WWOX: variants seen among roughly 807,000 people sequenced by gnomAD.
WWOX encodes the protein WW domain-containing oxidoreductase.
WWOX carries 69 observed loss-of-function variants against 46.2 expected under a neutral mutation model. The ratio of observed to expected loss-of-function variants is 1.49; its 90% CI spans 1.23 to 1.82. The LOEUF is 1.82. Among genes scored for constraint, WWOX ranks in the 40% most tolerant of loss-of-function variants. The pLI is 0.00. For missense variants in WWOX, 919 were observed against 542.6 expected, an observed-to-expected ratio of 1.69 and a Z score of -6.89; for synonymous variants, 359 against 202.6, an observed-to-expected ratio of 1.77 and a Z score of -6.56.
chr16:78,666,160 C>G (rs1416692721), intron 8 of WWOX, among the ~76,000 whole-genome samples: 3 of 151,960 alleles, frequency 2.0e-5, no homozygotes, highest in African/African-American at 7.2e-5. Context: ...GGTGGTGTGC[C>G]ACAGTAGTCC....
At chr16:78,601,649 A>G (rs1294598922) in intron 8 of WWOX, among the ~76,000 whole-genome samples, 1 of 152,238 alleles carries the variant, frequency 6.6e-6, no homozygotes, top group Non-Finnish European at 1.5e-5. Context: ...TGAATACCAT[A>G]ATAAGAATGT....
chr16:78,517,448 C>T (rs938480803), intron 8 of WWOX, among the ~76,000 whole-genome samples: 1 of 152,280 alleles, frequency 6.6e-6, no homozygotes, highest in Non-Finnish European at 1.5e-5. Flanking sequence ...ATATGAATGT[C>T]TTGTTCGACG....
intron 5 of WWOX, among the ~76,000 whole-genome samples, chr16:78,254,499 C>CTTTTTTTTTTTTTTTTTTTTTT (rs1597405923): frequency 1.9e-5 from 1 of 52,134 alleles, no homozygotes; most frequent in African/African-American, 1.2e-4. Context: ...TCTTTTCTTT[C>CTTTTTTTTTTTTTTTTTTTTTT]TTGTTTTTTT....
intron 8 of WWOX, among the ~76,000 whole-genome samples, chr16:78,772,489 G>C (rs988346740): frequency 5.3e-5 from 8 of 152,034 alleles, no homozygotes; most frequent in African/African-American, 1.9e-4. Flanking sequence ...ATTCTTCTTG[G>C]AAATGTTAAT....
At chr16:78,359,692 C>A (rs890867207) in intron 5 of WWOX, among the ~76,000 whole-genome samples, 1 of 152,162 alleles carries the variant, frequency 6.6e-6, no homozygotes, top group Admixed American at 6.5e-5. Flanking sequence ...TTGTGGAAAT[C>A]AACTGCCACA....
intron 8 of WWOX, among the ~76,000 whole-genome samples, chr16:78,701,781 C>T (rs75889985): frequency 0.02 from 2,998 of 151,846 alleles, 101 homozygotes; most frequent in African/African-American, 0.069. Context: ...CTCTGAGATG[C>T]AGTCTGCTGA....
intron 8 of WWOX, among the ~76,000 whole-genome samples, chr16:78,935,726 G>A (rs980359109): frequency 6.6e-6 from 1 of 151,846 alleles, no homozygotes; most frequent in African/African-American, 2.4e-5. Flanking sequence ...TGCACATTGT[G>A]CACATGTACC....
intron 5 of WWOX, among the ~76,000 whole-genome samples, chr16:78,279,873 C>A (rs1424300678): frequency 6.6e-6 from 1 of 152,220 alleles, no homozygotes; most frequent in Non-Finnish European, 1.5e-5. Context: ...ACGATTGGTC[C>A]TTCTGTCCTG....
At chr16:78,131,107 T>A (rs2033575424) in intron 4 of WWOX, among the ~76,000 whole-genome samples, 2 of 152,196 alleles carry the variant, frequency 1.3e-5, no homozygotes. Flanking sequence ...AGTGTTGTAA[T>A]CTTATGGGAC....
At chr16:78,505,378 A>G (rs1217253048) in intron 8 of WWOX, among the ~76,000 whole-genome samples, 1 of 152,170 alleles carries the variant, frequency 6.6e-6, no homozygotes, top group African/African-American at 2.4e-5. Context: ...GTTCGGGTCC[A>G]CCAGGCCCTC....
chr16:78,634,653 C>T lies in WWOX; in HGVS notation c.1056+201901C>T, dbSNP rs371493165. ...CCCAGGAGGCGGAGGTTGCAGTGAG[C>T]CAAGATTGCGCCACTGCACTCCAGC... On this transcript the variant is annotated intron_variant, in intron 8 of 8. Transcript: ENST00000566780. Among the ~76,000 whole-genome samples the T allele has an allele frequency of 4.0e-5, 6 of 150,972 alleles. 1 individual carries two copies. The highest frequency in any genetic ancestry group is 2.1e-4 in the South Asian group (1 of 4,768).
intron 5 of WWOX, among the ~76,000 whole-genome samples, chr16:78,288,144 T>C (rs2079800348): frequency 6.6e-6 from 1 of 152,194 alleles, no homozygotes; most frequent in Non-Finnish European, 1.5e-5. Context: ...CCTCCAATTA[T>C]AGACTAGGTT....
At chr16:79,194,558 T>TA (rs944488887) in intron 8 of WWOX, among the ~76,000 whole-genome samples, 20 of 151,780 alleles carry the variant, frequency 1.3e-4, no homozygotes, top group African/African-American at 4.9e-4. Flanking sequence ...GCTCCGACGT[T>TA]ACAGGCAGCA....
chr16:79,030,442 C>G (rs779210819), intron 8 of WWOX, among the ~76,000 whole-genome samples: 2 of 152,128 alleles, frequency 1.3e-5, no homozygotes, highest in East Asian at 3.9e-4. Flanking sequence ...TCCAGGATGC[C>G]TTTTGATCTG....
At chr16:78,298,618 C>T (rs207476198) in intron 5 of WWOX, among the ~76,000 whole-genome samples, 1 of 152,102 alleles carries the variant, frequency 6.6e-6, no homozygotes, top group African/African-American at 2.4e-5. Flanking sequence ...ATGGAGAAAC[C>T]TTGCCTCTAC....
chr16:79,007,431 C>T (rs75188022), intron 8 of WWOX, among the ~76,000 whole-genome samples: 1,858 of 152,110 alleles, frequency 0.012, 33 homozygotes, highest in African/African-American at 0.043. Flanking sequence ...AGGCTGCCTT[C>T]GAAAGGATGT....
At chr16:79,152,669 C>CAAAGAAA (rs2050304090) in intron 8 of WWOX, among the ~76,000 whole-genome samples, 1 of 120,220 alleles carries the variant, frequency 8.3e-6, no homozygotes, top group Non-Finnish European at 1.7e-5. Context: ...GTCTCCATCT[C>CAAAGAAA]AAAGAAAAAA....
chr16:78,598,181 A>G (rs533080364), intron 8 of WWOX, among the ~76,000 whole-genome samples: 99 of 152,322 alleles, frequency 6.5e-4, no homozygotes, highest in South Asian at 1.9e-3. Flanking sequence ...ATTTTCAAAC[A>G]TCATATTCTC....
rs114884888 is a variant in WWOX at position 78,622,619 on chromosome 16, C to G, written c.1056+189867C>G. 3.7e-3 allele frequency among the ~76,000 whole-genome samples: 558 copies of G among 152,148 alleles called. 5 individuals are homozygous for G. The highest frequency in any genetic ancestry group is 0.013 in the African/African-American group (539 of 41,498). ...GACCCTAAGACGGCCCCAGTGATAC[C>G]CCACCTCCTGGTGTCCAAGGCCTGA... On this transcript the variant is annotated intron_variant, in intron 8 of 8. Coordinates refer to ENST00000566780, the MANE Select transcript of WWOX (RefSeq NM_016373.4).
Sources: gnomAD v4.1 joint callset for allele counts (sites outside exome capture counted in the v4.1 genomes callset) on GRCh38, gnomAD v4.1.1 for gene constraint, MANE v1.5 for transcripts, NCBI Gene and HGNC (gene_info 2026-07-23, HGNC 2026-07-21) for gene names.